The following THSD7B variants were observed in gnomAD, a reference collection of about 807,000 sequenced individuals.
THSD7B encodes thrombospondin type 1 domain containing 7B.
Under a neutral mutation model 213.6 loss-of-function variants are expected in THSD7B, and 138 were observed. That is an observed-to-expected ratio of 0.65 (90% confidence interval 0.56 to 0.74). The LOEUF (loss-of-function observed/expected upper bound fraction) is 0.74, where lower values mean the gene tolerates loss of function less well. Ranked by LOEUF, THSD7B falls within the 30% of genes least tolerant of loss-of-function variation. THSD7B has a pLI of 0.00. For synonymous variants in THSD7B, 742 were observed against 687.0 expected (o/e 1.08, Z -1.25); for missense variants, 1,931 against 1,991.5 (o/e 0.97, Z 0.58).
chr2:137,155,584 C>T lies in THSD7B; in HGVS notation c.1370-4629C>T, dbSNP rs187885712. Reference sequence around the variant, plus strand: ...CCAACTTTAGGTGACCCAGGAAATGCCTTCACTCCACCCACTTCCTGGGAT... The same window carrying T: ...CCAACTTTAGGTGACCCAGGAAATGTCTTCACTCCACCCACTTCCTGGGAT... On this transcript the variant is annotated intron_variant, in intron 5 of 27. Coordinates refer to ENST00000409968, the MANE Select transcript of THSD7B (RefSeq NM_001316349.2). 6.4e-3 allele frequency among the ~76,000 whole-genome samples: 973 copies of T among 152,232 alleles called. 8 individuals carry two copies. The highest frequency in any genetic ancestry group is 9.7e-3 in the Non-Finnish European group (660 of 68,010).
chr2:137,021,827 G>A (rs1374060629), intron 2 of THSD7B, among the ~76,000 whole-genome samples: 1 of 152,116 alleles, frequency 6.6e-6, no homozygotes, highest in African/African-American at 2.4e-5. Context: ...CTATGTAAGT[G>A]GAATCATTCA....
chr2:136,956,838 T>C (rs1197347683), intron 2 of THSD7B, among the ~76,000 whole-genome samples: 48 of 151,846 alleles, frequency 3.2e-4, no homozygotes. Flanking sequence ...AACCACCGTG[T>C]CTAGCTAATT....
intron 12 of THSD7B, among the ~76,000 whole-genome samples, chr2:137,356,161 G>T (rs1381214240): frequency 6.6e-6 from 1 of 152,110 alleles, no homozygotes; most frequent in Admixed American, 6.6e-5. Context: ...GGTCAAGGGT[G>T]CATCACGGTG....
intron 2 of THSD7B, among the ~76,000 whole-genome samples, chr2:136,974,970 A>G (rs1685456742): frequency 6.7e-6 from 1 of 148,702 alleles, no homozygotes; most frequent in Non-Finnish European, 1.5e-5. Context: ...GTTTTTTCAT[A>G]TGTTTTTTGG....
At chr2:137,255,343 C>T (rs1329445235) in intron 10 of THSD7B, among the ~76,000 whole-genome samples, 1 of 152,148 alleles carries the variant, frequency 6.6e-6, no homozygotes, top group South Asian at 2.1e-4. Context: ...GCAGACGTAT[C>T]CCAAAGAAAG....
chr2:136,970,821 A>C (rs1001870715), intron 2 of THSD7B, among the ~76,000 whole-genome samples: 1 of 152,160 alleles, frequency 6.6e-6, no homozygotes, highest in Non-Finnish European at 1.5e-5. Flanking sequence ...TGAAAAATGC[A>C]CCTTATTTAC....
At chr2:137,573,345 CTA>C (rs917532778) in intron 17 of THSD7B, among the ~76,000 whole-genome samples, 4 of 152,070 alleles carry the variant, frequency 2.6e-5, no homozygotes, top group African/African-American at 7.2e-5. Context: ...TGTGGAAAGA[CTA>C]TGAAAATCTC....
intron 2 of THSD7B, among the ~76,000 whole-genome samples, chr2:137,030,504 G>A (rs1379826902): frequency 6.6e-6 from 1 of 152,106 alleles, no homozygotes; most frequent in Non-Finnish European, 1.5e-5. Flanking sequence ...ACGTTGCCAG[G>A]TACCAGCTGC....
intron 15 of THSD7B, among the ~76,000 whole-genome samples, chr2:137,535,182 A>G (rs991537787): frequency 1.3e-5 from 2 of 151,932 alleles, no homozygotes; most frequent in Admixed American, 6.6e-5. Context: ...ATTTCCCTAG[A>G]TGAGCATTCA....
intron 2 of THSD7B, among the ~76,000 whole-genome samples, chr2:137,024,504 A>T (rs959964296): frequency 6.6e-6 from 1 of 152,076 alleles, no homozygotes; most frequent in African/African-American, 2.4e-5. Context: ...TGATTTCTGG[A>T]TTTTTTTCTA....
chr2:137,116,432 G>C (rs560087851), intron 5 of THSD7B, among the ~76,000 whole-genome samples: 1 of 152,254 alleles, frequency 6.6e-6, no homozygotes, highest in East Asian at 1.9e-4. Context: ...TAGATTAAAA[G>C]GCTCCAGGTT....
chr2:136,870,439 C>G (rs1683414135), intron 1 of THSD7B, among the ~76,000 whole-genome samples: 1 of 152,164 alleles, frequency 6.6e-6, no homozygotes, highest in South Asian at 2.1e-4. Flanking sequence ...ACATATAACA[C>G]TGAACAAGAT....
At position 137,056,431 on chromosome 2, in the gene THSD7B, A is replaced by C; in HGVS notation, c.151A>C (p.Arg51=). 1 of 1,608,624 alleles carries C rather than the reference A, an allele frequency of 6.2e-7. No individual in the cohort carries two copies. Among genetic ancestry groups the C allele is most frequent in the Non-Finnish European group, 8.5e-7 (1 of 1,175,968 alleles). The change falls in exon 3 of 28, where the codon AGG becomes CGG. Residue 51 remains arginine, a synonymous_variant. Transcript: ENST00000409968. ...QFIWKPGPWG[R]CTGDCGPGGV... Reference sequence around the variant, plus strand: ...TTTTCTGCCTGTAGGTCCGTGGGGAAGGTGTACAGGAGACTGTGGTCCCGG... The same window carrying C: ...TTTTCTGCCTGTAGGTCCGTGGGGACGGTGTACAGGAGACTGTGGTCCCGG...
intron 1 of THSD7B, among the ~76,000 whole-genome samples, chr2:136,862,826 A>G (rs538206260): frequency 9.2e-5 from 14 of 152,324 alleles, no homozygotes; most frequent in African/African-American, 3.4e-4. Context: ...TCCTCTTTCT[A>G]TATCACATTC....
At chr2:136,789,494 G>A (rs1037889214) in intron 1 of THSD7B, among the ~76,000 whole-genome samples, 7 of 151,906 alleles carry the variant, frequency 4.6e-5, no homozygotes, top group Admixed American at 2.6e-4. Flanking sequence ...AGGAACATTC[G>A]AATTATTCTT....
rs1051430077 is a variant in THSD7B at position 136,864,003 on chromosome 2, T to C, written c.-35-18141T>C. Among the ~76,000 whole-genome samples the C allele has an allele frequency of 3.3e-5, 5 of 152,320 alleles. No individual in the cohort carries two copies. In the Middle Eastern group the frequency reaches 0.01, roughly 311 times the overall value. ...GTGTTTAGATAAGCTTTGTGCTGCA[T>C]GACGGAGGGAGAGGCATGTCCTGTC... On this transcript the variant is annotated intron_variant, in intron 1 of 27. Transcript: ENST00000409968.
chr2:137,242,493 C>G lies in THSD7B; in HGVS notation c.2187C>G (p.Pro729=), dbSNP rs540183231. Residue 729 remains proline, a synonymous_variant, in exon 10 of 28, where the codon CCC becomes CCG. Transcript: ENST00000409968. ...CTACTCGACCTGAAACTGTGCGCCC[C>G]TGTTTTCTCCCATGCAAAAAAGACT... ...PDSTRPETVR[P]CFLPCKKDCI... 1.2e-6 allele frequency: 2 copies of G among 1,613,860 alleles called. No individual in the cohort carries two copies. The highest frequency in any genetic ancestry group is 2.2e-5 in the East Asian group (1 of 44,878).
intron 15 of THSD7B, among the ~76,000 whole-genome samples, chr2:137,520,155 T>C (rs1437845556): frequency 6.6e-6 from 1 of 152,226 alleles, no homozygotes; most frequent in Non-Finnish European, 1.5e-5. Context: ...TTTGTTTTTT[T>C]CACATTTGTT....
At chr2:136,890,300 A>ACTCCTCCTCTTCTTCTTCTTCTT (rs1558839719) in intron 2 of THSD7B, among the ~76,000 whole-genome samples, 1 of 680 alleles carries the variant, frequency 1.5e-3, no homozygotes. Flanking sequence ...TCCATGTCCT[A>ACTCCTCCTCTTCTTCTTCTTCTT]CTCCTTCTTC....
Sources: gnomAD v4.1 joint callset for allele counts (sites outside exome capture counted in the v4.1 genomes callset) on GRCh38, gnomAD v4.1.1 for gene constraint, MANE v1.5 for transcripts, NCBI Gene and HGNC (gene_info 2026-07-23, HGNC 2026-07-21) for gene names.